EIF4E3: variants seen among roughly 807,000 people sequenced by gnomAD.
EIF4E3 encodes eukaryotic translation initiation factor 4E type 3.
EIF4E3 carries 26 observed loss-of-function variants against 31.7 expected under a neutral mutation model. The observed-to-expected ratio is 0.82, with a 90% CI of 0.60 to 1.14. EIF4E3 has a LOEUF of 1.14. Ranked by LOEUF, EIF4E3 falls within the 50% of genes most tolerant of loss-of-function variation. The pLI is 0.00. For missense variants in EIF4E3, 304 were observed against 270.9 expected, an observed-to-expected ratio of 1.12 and a Z score of -0.86; for synonymous variants, 128 against 107.7, an observed-to-expected ratio of 1.19 and a Z score of -1.17.
upstream of EIF4E3, among the ~76,000 whole-genome samples, chr3:71,725,528 G>A (rs2049625994): frequency 2.7e-5 from 4 of 149,726 alleles, no homozygotes; most frequent in African/African-American, 9.7e-5. This position sits in a 1 kb window ranked among gnomAD's most constrained non-coding sequence, Gnocchi z 6.1. Flanking sequence ...TCAGGGCCTG[G>A]GAGCCGCGCG....
chr3:71,694,980 T>C (rs931771707), intron 4 of EIF4E3, among the ~76,000 whole-genome samples: 4 of 152,250 alleles, frequency 2.6e-5, no homozygotes, highest in Non-Finnish European at 4.4e-5. Flanking sequence ...TGTGTATTAT[T>C]ATGTCCTCAC....
At position 71,722,929 on chromosome 3, in the gene EIF4E3, A is replaced by C. The variant is rs113334786; in HGVS notation, c.176+2263T>G. On this transcript the variant is annotated intron_variant, in intron 1 of 6. Coordinates refer to ENST00000425534, the MANE Select transcript of EIF4E3 (RefSeq NM_001134651.2). Reference sequence around the variant, plus strand: ...TCCTCAGAACTGCCCTGTGAGACATAGCCTATGACTATCCCATTTTACAAT... The same window carrying C: ...TCCTCAGAACTGCCCTGTGAGACATCGCCTATGACTATCCCATTTTACAAT... Among the ~76,000 whole-genome samples, 562 of 152,344 alleles carry C rather than the reference A, an allele frequency of 3.7e-3. 5 individuals carry two copies. Among genetic ancestry groups the C allele is most frequent in the African/African-American group, 0.011 (454 of 41,574 alleles).
intron 2 of EIF4E3, among the ~76,000 whole-genome samples, chr3:71,709,384 G>GT (rs1275860181): frequency 2.0e-5 from 3 of 152,092 alleles, no homozygotes; most frequent in South Asian, 2.1e-4. Flanking sequence ...AATCAATCAG[G>GT]TTTTTTCTTT....
intron 1 of EIF4E3, among the ~76,000 whole-genome samples, chr3:71,744,475 G>A (rs1351769077): frequency 1.3e-5 from 2 of 152,204 alleles, no homozygotes; most frequent in Non-Finnish European, 2.9e-5. Flanking sequence ...GGCTGGGCAC[G>A]GTGGCTCATG....
At chr3:71,662,889 C>T in the EIF4E3 span, among the ~76,000 whole-genome samples, 10 of 152,034 alleles carry the variant, frequency 6.6e-5, no homozygotes, top group African/African-American at 1.2e-4. Flanking sequence ...GGGCAGAAAC[C>T]GAGGGAAGAT....
intron 2 of EIF4E3, 91 bp from the exon 3 acceptor site, chr3:71,699,799 T>C: frequency 9.5e-7 from 1 of 1,053,558 alleles, no homozygotes; most frequent in Non-Finnish European, 1.4e-6. Context: ...AAAGAAAAAT[T>C]TTGATTCTCA....
chr3:71,676,932 TAG>T lies in EIF4E3; in HGVS notation c.*7748_*7749del, dbSNP rs2048878914. The T allele has an allele frequency of 6.6e-6, 1 of 152,212 alleles. No individual in the cohort carries two copies. The highest frequency in any genetic ancestry group is 2.4e-5 in the African/African-American group (1 of 41,458). The allele number at this position is 152,212 out of a possible 1,614,324, so 9.4% of individuals were successfully genotyped here. ...TTTCCTAAGATCTGAAACCTTTCTC[TAG>T]GTCCATACTTTATATAATCCTATAT... On this transcript the variant is annotated 3_prime_UTR_variant, in exon 7 of 7. Transcript: ENST00000425534.
intron 3 of EIF4E3, 135 bp from the exon 4 acceptor site, chr3:71,696,655 T>G: frequency 1.0e-6 from 1 of 989,920 alleles, no homozygotes; most frequent in Non-Finnish European, 1.5e-6. Flanking sequence ...ATTTTTCTTA[T>G]TTTTGTTTTT....
At chr3:71,754,386 C>T (rs1415292974), upstream of EIF4E3, 5 of 1,345,302 alleles carry the variant, frequency 3.7e-6, no homozygotes, top group Non-Finnish European at 4.8e-6. The surrounding 1 kb of genome is among the most constrained non-coding windows in gnomAD (Gnocchi z 5.8). Flanking sequence ...CGCCTTCCTG[C>T]TGCTGGGCGT....
intron 1 of EIF4E3, among the ~76,000 whole-genome samples, chr3:71,732,335 G>A (rs2049715072): frequency 6.6e-6 from 1 of 152,020 alleles, no homozygotes; most frequent in Non-Finnish European, 1.5e-5. Context: ...GATTCACAGA[G>A]TTCTAGAGAC....
upstream of EIF4E3, chr3:71,754,640 G>A (rs1262250234): frequency 2.0e-6 from 3 of 1,486,212 alleles, no homozygotes; most frequent in Admixed American, 2.1e-5. The surrounding 1 kb of genome is among the most constrained non-coding windows in gnomAD (Gnocchi z 5.8). Flanking sequence ...TGGGCGCCAC[G>A]CACCTCGTCT....
At chr3:71,702,687 G>T (rs1208604184) in intron 2 of EIF4E3, among the ~76,000 whole-genome samples, 1 of 148,254 alleles carries the variant, frequency 6.7e-6, no homozygotes, top group African/African-American at 2.5e-5. Context: ...CATAAAATAG[G>T]AGCAAAATAT....
chr3:71,697,753 T>C (rs2049159823), intron 3 of EIF4E3, among the ~76,000 whole-genome samples: 1 of 152,236 alleles, frequency 6.6e-6, no homozygotes, highest in Non-Finnish European at 1.5e-5. Flanking sequence ...TTTCATTTTT[T>C]TGATGGCTGA....
At chr3:71,720,441 C>T (rs752907659) in intron 1 of EIF4E3, among the ~76,000 whole-genome samples, 1 of 152,048 alleles carries the variant, frequency 6.6e-6, no homozygotes, top group Non-Finnish European at 1.5e-5. Flanking sequence ...GAGATCCTCC[C>T]TCCTCAGCCT....
At chr3:71,660,818 A>C in the EIF4E3 span, among the ~76,000 whole-genome samples, 1 of 152,182 alleles carries the variant, frequency 6.6e-6, no homozygotes, top group South Asian at 2.1e-4. Context: ...CTGTGTGAGC[A>C]CTTCGTGGTA....
At chr3:71,754,333 G>T, upstream of EIF4E3, 1 of 1,262,362 alleles carries the variant, frequency 7.9e-7, no homozygotes, top group South Asian at 2.3e-5. The surrounding 1 kb of genome is among the most constrained non-coding windows in gnomAD (Gnocchi z 5.8). Flanking sequence ...GCGCTGGGCT[G>T]CAAGCTGCTC....
intron 6 of EIF4E3, 45 bp downstream of exon 6, chr3:71,689,965 T>A (rs187855564): frequency 1.3e-6 from 2 of 1,504,784 alleles, no homozygotes; most frequent in South Asian, 1.3e-5. Context: ...TTTAAAAGTA[T>A]GATAGAGTAA....
intron 2 of EIF4E3, 47 bp downstream of exon 2, chr3:71,710,365 T>C (rs1054681140): frequency 6.5e-7 from 1 of 1,535,632 alleles, no homozygotes; most frequent in Non-Finnish European, 8.8e-7. Flanking sequence ...TGATTAGGTG[T>C]CTGACGTGTG....
At chr3:71,689,223 G>T (rs563712204) in intron 6 of EIF4E3, among the ~76,000 whole-genome samples, 8 of 152,232 alleles carry the variant, frequency 5.3e-5, no homozygotes, top group African/African-American at 1.7e-4. Flanking sequence ...ATGAAATACG[G>T]TAGTTAAAAA....
Sources: allele counts gnomAD v4.1 joint callset (sites outside exome capture counted in the v4.1 genomes callset), GRCh38; gene constraint gnomAD v4.1.1; non-coding constraint Gnocchi (gnomAD v3.1); transcripts MANE v1.5; gene names NCBI Gene and HGNC (gene_info 2026-07-23, HGNC 2026-07-21).